The following ZNF680 variants were observed in gnomAD, a reference collection of about 807,000 sequenced individuals.
ZNF680 encodes the protein zinc finger protein 680, also known as hypothetical protein FLJ90430.
ZNF680 carries 6 observed loss-of-function variants against 12.1 expected under a neutral mutation model. That is an observed-to-expected ratio of 0.49 (90% confidence interval 0.27 to 0.98). The LOEUF (loss-of-function observed/expected upper bound fraction) is 0.98, where lower values mean the gene tolerates loss of function less well. ZNF680 is among the 50% of genes least tolerant of loss of function. The pLI is 0.12. For synonymous variants in ZNF680, 170 were observed against 199.3 expected (o/e 0.85, Z 1.24); for missense variants, 561 against 616.3 (o/e 0.91, Z 0.95).
chr7:64,544,996 C>T (rs11760623), intron 1 of ZNF680, among the ~76,000 whole-genome samples: 34,273 of 151,948 alleles, frequency 0.23, 4,046 homozygotes, highest in South Asian at 0.28. Context: ...TGGTGGCTCA[C>T]GCCTGTAATC....
intron 3 of ZNF680, among the ~76,000 whole-genome samples, chr7:64,530,845 G>A (rs1470132278): frequency 2.0e-5 from 3 of 149,156 alleles, no homozygotes; most frequent in East Asian, 2.0e-4. Flanking sequence ...GCAACAGAGC[G>A]AGACTCCATC....
At chr7:64,500,093 C>T in the ZNF680 span, among the ~76,000 whole-genome samples, 2 of 151,960 alleles carry the variant, frequency 1.3e-5, no homozygotes, top group South Asian at 4.2e-4. Flanking sequence ...TGACCTAACT[C>T]GGCCAGCTGC....
chr7:64,533,924 C>T (rs1786021588), intron 3 of ZNF680, among the ~76,000 whole-genome samples: 1 of 152,092 alleles, frequency 6.6e-6, no homozygotes, highest in African/African-American at 2.4e-5. Context: ...AAAGGAAACC[C>T]TTTTCAACAA....
chr7:64,517,218 A>G (rs1166213519), downstream of ZNF680, among the ~76,000 whole-genome samples: 1 of 152,136 alleles, frequency 6.6e-6, no homozygotes, highest in Non-Finnish European at 1.5e-5. Context: ...ATTAAGAAAA[A>G]AAGAGAGAAT....
At chr7:64,539,376 G>GAAAAAAA (rs1233424872) in intron 3 of ZNF680, among the ~76,000 whole-genome samples, 54 of 72,044 alleles carry the variant, frequency 7.5e-4, no homozygotes, top group East Asian at 2.4e-3. Flanking sequence ...AAAAAAAAAA[G>GAAAAAAA]AAAAGAAAAT....
chr7:64,508,142 T>TATATATATATATATATATATATAC, the ZNF680 span, among the ~76,000 whole-genome samples: 488 of 112,058 alleles, frequency 4.4e-3, 29 homozygotes, highest in East Asian at 0.063. Flanking sequence ...TATATATATA[T>TATATATATATATATATATATATAC]ACATAATTTT....
chr7:64,546,691 C>T lies in ZNF680; in HGVS notation c.31-2259G>A, dbSNP rs568833580. On this transcript the variant is annotated intron_variant, in intron 1 of 3. Coordinates refer to ENST00000309683, the MANE Select transcript of ZNF680 (RefSeq NM_178558.5). ...CTGGAAGGCAGAGGTTGCAGTGAGCCGAGATAGCACCACTGCACTCCAGTT... is the reference window on the plus strand; with the variant it reads ...CTGGAAGGCAGAGGTTGCAGTGAGCTGAGATAGCACCACTGCACTCCAGTT... Among the ~76,000 whole-genome samples, 323 of 152,178 alleles carry T rather than the reference C, an allele frequency of 2.1e-3. 3 individuals are homozygous for T. The highest frequency in any genetic ancestry group is 7.4e-3 in the African/African-American group (308 of 41,498).
At chr7:64,516,636 G>C (rs1584339199), downstream of ZNF680, among the ~76,000 whole-genome samples, 2 of 152,142 alleles carry the variant, frequency 1.3e-5, no homozygotes, top group Admixed American at 6.5e-5. Context: ...GCTGTTTACA[G>C]AACATTCTAG....
downstream of ZNF680, among the ~76,000 whole-genome samples, chr7:64,515,055 CA>C (rs1791320939): frequency 6.6e-6 from 1 of 151,642 alleles, no homozygotes; most frequent in African/African-American, 2.4e-5. Flanking sequence ...CACACACACA[CA>C]CACACACACA....
At chr7:64,538,861 T>C (rs1342024991) in intron 3 of ZNF680, among the ~76,000 whole-genome samples, 4 of 152,164 alleles carry the variant, frequency 2.6e-5, no homozygotes, top group Non-Finnish European at 4.4e-5. Context: ...CCAGGCACAG[T>C]GGCTCACACC....
the ZNF680 span, among the ~76,000 whole-genome samples, chr7:64,506,193 A>ATTTT: frequency 9.5e-6 from 1 of 105,552 alleles, no homozygotes; most frequent in African/African-American, 3.5e-5. Flanking sequence ...AGTCTTTTAG[A>ATTTT]TTTTTTTTTT....
chr7:64,546,085 T>C (rs962307330), intron 1 of ZNF680, among the ~76,000 whole-genome samples: 47 of 152,252 alleles, frequency 3.1e-4, no homozygotes, highest in South Asian at 2.7e-3. Context: ...TTTAAAGTAA[T>C]TGAAACTAGC....
At chr7:64,551,108 A>C (rs985663486) in intron 1 of ZNF680, among the ~76,000 whole-genome samples, 2 of 152,288 alleles carry the variant, frequency 1.3e-5, no homozygotes, top group Admixed American at 1.3e-4. Flanking sequence ...TGTCATGCAT[A>C]GTTCACTCTA....
rs369539617 is a variant in ZNF680 at position 64,543,212 on chromosome 7, AAAG to A, written c.253+492_253+494del. Reference sequence around the variant, plus strand: ...CAAAGCAATCTGGAGGAAAAAGAACAAAGAAGGACATTATACTTTATAATTTCG... The same window carrying A: ...CAAAGCAATCTGGAGGAAAAAGAACAAAGGACATTATACTTTATAATTTCG... On this transcript the variant is annotated intron_variant, in intron 3 of 3. Coordinates refer to ENST00000309683, the MANE Select transcript of ZNF680 (RefSeq NM_178558.5). Among the ~76,000 whole-genome samples, 130 of 152,286 alleles carry A rather than the reference AAAG, an allele frequency of 8.5e-4. 1 individual carries two copies. The highest frequency in any genetic ancestry group is 2.9e-3 in the African/African-American group (122 of 41,566).
chr7:64,561,877 G>C (rs1440072848), intron 1 of ZNF680, among the ~76,000 whole-genome samples: 2 of 146,478 alleles, frequency 1.4e-5, no homozygotes, highest in African/African-American at 5.1e-5. Flanking sequence ...GGAGCTTGCA[G>C]TGAGCCGAGA....
chr7:64,527,695 C>G (rs1409857187), intron 3 of ZNF680, among the ~76,000 whole-genome samples: 3 of 149,730 alleles, frequency 2.0e-5, no homozygotes, highest in Non-Finnish European at 4.4e-5. Flanking sequence ...AACTCTGTCT[C>G]CAAAAAAAAA....
At chr7:64,510,461 AT>A in the ZNF680 span, among the ~76,000 whole-genome samples, 8 of 151,844 alleles carry the variant, frequency 5.3e-5, no homozygotes, top group Admixed American at 2.0e-4. Flanking sequence ...TTAAAAAAAA[AT>A]TAGTTGCAAA....
At chr7:64,502,015 TTTTTC>T in the ZNF680 span, among the ~76,000 whole-genome samples, 10 of 121,822 alleles carry the variant, frequency 8.2e-5, no homozygotes, top group East Asian at 2.0e-3. Context: ...TTTTTTTTTT[TTTTTC>T]CTGAGATGGA....
Position 64,521,578 on chromosome 7 carries a change from G to GT in ZNF680, c.1175dup (p.Asn392LysfsTer4). ...TATGAATTCTCATATGTTCAGTAAG[G>GT]TTTGAGGACTGTATAAAAGCTTTGC... On this transcript the variant is annotated frameshift_variant, in exon 4 of 4. Transcript: ENST00000309683. LOFTEE classifies it low-confidence loss of function (END_TRUNC). The GT allele has an allele frequency of 6.2e-7, 1 of 1,612,434 alleles. No individual in the cohort carries two copies. The highest frequency in any genetic ancestry group is 8.5e-7 in the Non-Finnish European group (1 of 1,179,668).
Sources: allele counts gnomAD v4.1 joint callset (sites outside exome capture counted in the v4.1 genomes callset), GRCh38; gene constraint gnomAD v4.1.1; transcripts MANE v1.5; gene names NCBI Gene and HGNC (gene_info 2026-07-23, HGNC 2026-07-21).